The following PTPN11 variants were observed in gnomAD, a reference collection of about 807,000 sequenced individuals.
PTPN11 encodes protein tyrosine phosphatase non-receptor type 11.
In PTPN11, 6 loss-of-function variants were observed where a neutral mutation model predicts 78.8. The ratio of observed to expected loss-of-function variants is 0.08; its 90% CI spans 0.04 to 0.15. PTPN11 has a LOEUF of 0.15. Ranked by LOEUF, PTPN11 falls within the 10% of genes least tolerant of loss-of-function variation. The pLI is 1.00. For missense variants in PTPN11, 386 were observed against 744.8 expected, an observed-to-expected ratio of 0.52 and a Z score of 5.61; for synonymous variants, 221 against 263.5, an observed-to-expected ratio of 0.84 and a Z score of 1.56.
chr12:112,509,312 C>T lies in PTPN11; in HGVS notation c.*3520C>T, dbSNP rs2135934972. ...TTCACACAAGGCAAAAACTATTGAA[C>T]AGTTGGTTTTAGTGTGTTGTATAAC... On this transcript the variant is annotated 3_prime_UTR_variant, in exon 16 of 16. Transcript: ENST00000351677. 1 of 152,470 alleles carries T rather than the reference C, an allele frequency of 6.6e-6. No individual in the cohort carries two copies. Among genetic ancestry groups the T allele is most frequent in the African/African-American group, 2.4e-5 (1 of 41,530 alleles). The allele number at this position is 152,470 out of a possible 1,614,324, so 9.4% of individuals were successfully genotyped here.
intron 13 of PTPN11, among the ~76,000 whole-genome samples, chr12:112,494,685 C>G (rs1368487241): frequency 6.6e-6 from 1 of 152,148 alleles, no homozygotes; most frequent in East Asian, 1.9e-4. Flanking sequence ...ACTGGGTCTA[C>G]TTGTTTGTAC....
chr12:112,480,469 CG>C (rs1470094468), intron 9 of PTPN11, among the ~76,000 whole-genome samples: 1 of 150,994 alleles, frequency 6.6e-6, no homozygotes, highest in Non-Finnish European at 1.5e-5. Context: ...CGGATTCAAG[CG>C]ATTTTCCTGC....
chr12:112,441,695 A>G (rs534256853), intron 1 of PTPN11, among the ~76,000 whole-genome samples: 11 of 152,192 alleles, frequency 7.2e-5, no homozygotes, highest in Admixed American at 1.3e-4. Flanking sequence ...AGAGCATTCT[A>G]TTAGCTTAGA....
intron 6 of PTPN11, among the ~76,000 whole-genome samples, chr12:112,460,649 C>G (rs1351943907): frequency 6.6e-6 from 1 of 152,046 alleles, no homozygotes; most frequent in Non-Finnish European, 1.5e-5. Flanking sequence ...CGAGACCATC[C>G]TGGCCAACAT....
rs376589461 is a variant in PTPN11, at chr12:112,503,799, C to G, written c.1713-896C>G. Among the ~76,000 whole-genome samples the G allele has an allele frequency of 2.6e-5, 4 of 152,274 alleles. No individual in the cohort carries two copies. In the East Asian group the frequency reaches 5.8e-4, roughly 22 times the overall value. ...TTGTAGGGTTCAGATCCAGGATACA[C>G]TGGTCCTGGAGCCCCTCTCAGCCTG... On this transcript the variant is annotated intron_variant, in intron 14 of 15. Coordinates refer to ENST00000351677, the MANE Select transcript of PTPN11 (RefSeq NM_002834.5).
At chr12:112,488,880 A>G (rs777905990) in intron 12 of PTPN11, 144 bp from the exon 13 acceptor site, 17 of 1,215,992 alleles carry the variant, frequency 1.4e-5, no homozygotes, top group Non-Finnish European at 2.0e-5. Context: ...TCAGAAGTTC[A>G]ACACTGTAGC....
intron 1 of PTPN11, among the ~76,000 whole-genome samples, chr12:112,422,283 C>A (rs903964998): frequency 6.6e-6 from 1 of 152,286 alleles, no homozygotes; most frequent in South Asian, 2.1e-4. Flanking sequence ...TAAGTATATT[C>A]AATGTACTGA....
chr12:112,433,520 T>C (rs1209192621), intron 1 of PTPN11, among the ~76,000 whole-genome samples: 1 of 152,244 alleles, frequency 6.6e-6, no homozygotes, highest in Non-Finnish European at 1.5e-5. Flanking sequence ...TAAAAGTATG[T>C]AAAAATGATT....
intron 9 of PTPN11, among the ~76,000 whole-genome samples, chr12:112,478,872 A>T (rs767160163): frequency 2.6e-5 from 4 of 152,116 alleles, no homozygotes; most frequent in Non-Finnish European, 4.4e-5. Flanking sequence ...AGCTGGGACT[A>T]CAGGTGCGTG....
rs891772888 is a variant in PTPN11 at position 112,430,739 on chromosome 12, CT to C, written c.14+11625del. On this transcript the variant is annotated intron_variant, in intron 1 of 15. Coordinates refer to ENST00000351677, the MANE Select transcript of PTPN11 (RefSeq NM_002834.5). ...CACCCAGCTAATTAAAATTTTTTTT[CT>C]TTTTTTTTTTGGTGGAGATGCGGTC... is the stretch of plus-strand genomic sequence containing the variant. Among the ~76,000 whole-genome samples the C allele has an allele frequency of 2.6e-3, 377 of 142,394 alleles. 2 individuals carry two copies. Among genetic ancestry groups the C allele is most frequent in the Middle Eastern group, 3.6e-3 (1 of 280 alleles). The allele number at this position is 142,394 out of a possible 152,430, so 93.4% of individuals were successfully genotyped here. A position where few individuals can be genotyped will look rare whatever the true frequency, so the allele number is the denominator to read the frequency against.
chr12:112,469,440 C>T (rs558520110), intron 6 of PTPN11, among the ~76,000 whole-genome samples: 15 of 151,976 alleles, frequency 9.9e-5, no homozygotes, highest in Non-Finnish European at 1.9e-4. Context: ...GTTATATTCC[C>T]TTTTCTGTTT....
intron 7 of PTPN11, among the ~76,000 whole-genome samples, 160 bp downstream of exon 7, chr12:112,473,200 T>C (rs2038446796): frequency 6.6e-6 from 1 of 152,160 alleles, no homozygotes; most frequent in African/African-American, 2.4e-5. Context: ...ATGGTGGGTG[T>C]TGATGACTTC....
chr12:112,431,048 T>C (rs1332098374), intron 1 of PTPN11, among the ~76,000 whole-genome samples: 1 of 152,266 alleles, frequency 6.6e-6, no homozygotes, highest in East Asian at 1.9e-4. Context: ...CTTTGTCAGC[T>C]GCCTTCTGCC....
intron 1 of PTPN11, among the ~76,000 whole-genome samples, chr12:112,436,282 G>T (rs1222806961): frequency 1.3e-5 from 2 of 152,088 alleles, no homozygotes; most frequent in African/African-American, 4.8e-5. Context: ...TATTCATTAA[G>T]GTAACAACAA....
At chr12:112,454,482 T>C (rs923267307) in intron 4 of PTPN11, 82 bp from the exon 5 acceptor site, 1 of 984,296 alleles carries the variant, frequency 1.0e-6, no homozygotes, top group Non-Finnish European at 1.6e-6. Flanking sequence ...TGAATAATGC[T>C]GCAGTGAACA....
intron 3 of PTPN11, among the ~76,000 whole-genome samples, chr12:112,451,788 G>A (rs780416684): frequency 9.9e-5 from 15 of 152,210 alleles, no homozygotes; most frequent in African/African-American, 1.4e-4. Flanking sequence ...TTATAATGAA[G>A]ATCCTTTTTA....
Position 112,484,285 on chromosome 12 carries a change from C to T in PTPN11, c.1224+2080C>T, listed in dbSNP as rs148833832. Among the ~76,000 whole-genome samples, 28 of 152,294 alleles carry T rather than the reference C, an allele frequency of 1.8e-4. No homozygotes were observed. The East Asian group carries it at 4.4e-3, about 24-fold the overall frequency. ...TGCTGTGCCAAGTTCCCAGTTGAGG[C>T]GGTGAACATGAAAATATACTGATAC... On this transcript the variant is annotated intron_variant, in intron 10 of 15. Transcript: ENST00000351677.
intron 1 of PTPN11, among the ~76,000 whole-genome samples, chr12:112,437,072 C>A (rs982669187): frequency 1.3e-5 from 2 of 152,006 alleles, no homozygotes; most frequent in Non-Finnish European, 2.9e-5. Context: ...GAAAGCCTTT[C>A]CTTATTCTAA....
chr12:112,477,634 G>A lies in PTPN11; in HGVS notation c.854-17G>A, dbSNP rs372800542. 6.3e-7 allele frequency: 1 copy of A among 1,597,676 alleles called. No individual in the cohort carries two copies. The highest frequency in any genetic ancestry group is 8.6e-7 in the Non-Finnish European group (1 of 1,166,506). On this transcript the variant is annotated splice_polypyrimidine_tract_variant and intron_variant, in intron 7 of 15. Transcript: ENST00000351677. The stretch of plus-strand genomic sequence containing the variant: ...GCAGTCCAGGACTTATGTGACCGTG[G>A]TCTCTTTTTCTTCTAGTTGATCATA...
Sources: gnomAD v4.1 joint callset for allele counts (sites outside exome capture counted in the v4.1 genomes callset) on GRCh38, gnomAD v4.1.1 for gene constraint, MANE v1.5 for transcripts, NCBI Gene and HGNC (gene_info 2026-07-23, HGNC 2026-07-21) for gene names.